Variants in SCARA5 observed in about 807,000 individuals in gnomAD.
The protein encoded by SCARA5 is scavenger receptor class A member 5.
In SCARA5, 45 loss-of-function variants were observed where a neutral mutation model predicts 46.3. That is an observed-to-expected ratio of 0.97 (90% confidence interval 0.76 to 1.24). The LOEUF (loss-of-function observed/expected upper bound fraction) is 1.24, where lower values mean the gene tolerates loss of function less well. SCARA5 is among the 50% of genes most tolerant of loss of function. The pLI, the probability that SCARA5 is intolerant of heterozygous loss-of-function variation, is 0.00. For missense variants in SCARA5, 680 were observed against 689.0 expected, an observed-to-expected ratio of 0.99 and a Z score of 0.15; for synonymous variants, 333 against 306.5, an observed-to-expected ratio of 1.09 and a Z score of -0.90.
intron 7 of SCARA5, among the ~76,000 whole-genome samples, chr8:27,892,763 G>A (rs1430542115): frequency 2.0e-5 from 3 of 151,990 alleles, no homozygotes; most frequent in South Asian, 2.1e-4. Context: ...CCGCCACCAC[G>A]ACCGGCTAAT....
intron 3 of SCARA5, among the ~76,000 whole-genome samples, chr8:27,959,284 A>G (rs1467789754): frequency 6.6e-6 from 1 of 152,132 alleles, no homozygotes; most frequent in East Asian, 1.9e-4. Context: ...ACTAATATCA[A>G]CATCCATGGT....
chr8:27,872,294 C>T (rs1014495964), intron 8 of SCARA5, among the ~76,000 whole-genome samples: 47 of 152,126 alleles, frequency 3.1e-4, no homozygotes, highest in Admixed American at 2.7e-3. Context: ...GTAGTAGCTA[C>T]AAATATCAGC....
chr8:27,972,146 G>A (rs1444855865), intron 2 of SCARA5, among the ~76,000 whole-genome samples: 3 of 151,836 alleles, frequency 2.0e-5, no homozygotes, highest in East Asian at 1.9e-4. Flanking sequence ...GTGAAACCCC[G>A]TCTCTGCTAA....
chr8:27,883,176 A>G (rs10103507), intron 7 of SCARA5, among the ~76,000 whole-genome samples: 77,968 of 152,088 alleles, frequency 0.51, 20,201 homozygotes, highest in East Asian at 0.63. Context: ...TGCAGAATGT[A>G]GTAGAGAGCC....
chr8:27,983,261 CG>C (rs568502864), intron 2 of SCARA5, among the ~76,000 whole-genome samples: 74 of 152,268 alleles, frequency 4.9e-4, no homozygotes, highest in Non-Finnish European at 9.4e-4. Context: ...GGCAGGAGGG[CG>C]TGTGTGGGTG....
Position 27,907,187 on chromosome 8 carries a change from G to A in SCARA5, c.1057C>T (p.Leu353=). 1.9e-6 allele frequency: 3 copies of A among 1,613,750 alleles called. No individual in the cohort carries two copies. Among genetic ancestry groups the A allele is most frequent in the Non-Finnish European group, 2.5e-6 (3 of 1,179,848 alleles). ...ATGCCCATTGGTCCTGTGGCCCCCA[G>A]CTTCCCATCATCGCCCTTGGGCCCG... The part of the protein sequence containing the change: ...LPGPKGDDGK[L]GATGPMGMRG... The change falls in exon 6 of 9, where the codon CTG becomes TTG. Residue 353 remains leucine (L), a synonymous_variant. Coordinates refer to ENST00000354914, the MANE Select transcript of SCARA5 (RefSeq NM_173833.6).
At position 27,979,527 on chromosome 8, in the gene SCARA5, A is replaced by G. The variant is rs555998966; in HGVS notation, c.112+7977T>C. On this transcript the variant is annotated intron_variant, in intron 2 of 8. Transcript: ENST00000354914. ...CTCAGCAGAGATGGGGTGTGAGCCC[A>G]GCCTGTTCAACTGCAGAGCCTGCCT... Among the ~76,000 whole-genome samples, 51 of 151,074 alleles carry G rather than the reference A, an allele frequency of 3.4e-4. 1 individual carries two copies. The highest frequency in any genetic ancestry group is 6.3e-4 in the Non-Finnish European group (43 of 67,872).
At chr8:27,885,212 GAC>G (rs1806875773) in intron 7 of SCARA5, among the ~76,000 whole-genome samples, 1 of 152,126 alleles carries the variant, frequency 6.6e-6, no homozygotes, top group African/African-American at 2.4e-5. Context: ...TGCCATTTTG[GAC>G]GAGTAGAGAA....
intron 2 of SCARA5, among the ~76,000 whole-genome samples, chr8:27,973,644 T>C (rs965811001): frequency 6.6e-6 from 1 of 152,294 alleles, no homozygotes; most frequent in East Asian, 1.9e-4. Context: ...AGCTTCTTAG[T>C]CATACCAAGG....
At chr8:27,971,382 T>TAAGA (rs1808445599) in intron 2 of SCARA5, among the ~76,000 whole-genome samples, 1 of 152,198 alleles carries the variant, frequency 6.6e-6, no homozygotes, top group African/African-American at 2.4e-5. Context: ...CTCTTTGTCT[T>TAAGA]CACTTCAGAG....
At chr8:27,970,206 T>C (rs947735335) in intron 2 of SCARA5, among the ~76,000 whole-genome samples, 3 of 151,740 alleles carry the variant, frequency 2.0e-5, no homozygotes, top group African/African-American at 7.3e-5. Context: ...GACAGCCATG[T>C]AGGTGAGTGA....
chr8:27,900,931 G>T (rs536588086), intron 7 of SCARA5, among the ~76,000 whole-genome samples: 35 of 151,576 alleles, frequency 2.3e-4, no homozygotes, highest in African/African-American at 8.2e-4. Flanking sequence ...CAATTTGGCC[G>T]TGACCTAGGC....
chr8:27,960,096 A>G (rs1387709278), intron 3 of SCARA5, among the ~76,000 whole-genome samples: 1 of 152,204 alleles, frequency 6.6e-6, no homozygotes, highest in African/African-American at 2.4e-5. Context: ...AGGCTAAACA[A>G]GTAGGTCTGT....
intron 7 of SCARA5, among the ~76,000 whole-genome samples, chr8:27,899,953 C>G (rs1364949845): frequency 6.6e-6 from 1 of 152,116 alleles, no homozygotes; most frequent in Non-Finnish European, 1.5e-5. Context: ...GCTTGGCCAA[C>G]ATGGTAAAAA....
intron 2 of SCARA5, among the ~76,000 whole-genome samples, chr8:27,976,930 G>T (rs2129964165): frequency 6.6e-6 from 1 of 152,324 alleles, no homozygotes; most frequent in Non-Finnish European, 1.5e-5. Flanking sequence ...GATCGCTTGA[G>T]CCCTCAGTCC....
At chr8:27,906,176 A>G (rs1807258309) in intron 6 of SCARA5, among the ~76,000 whole-genome samples, 1 of 152,234 alleles carries the variant, frequency 6.6e-6, no homozygotes, top group African/African-American at 2.4e-5. Flanking sequence ...CACCCTAGAC[A>G]TGGAGTGGGA....
chr8:27,889,875 T>C (rs927858953), intron 7 of SCARA5, among the ~76,000 whole-genome samples: 1 of 152,220 alleles, frequency 6.6e-6, no homozygotes, highest in African/African-American at 2.4e-5. Context: ...TAATATTTGT[T>C]GAAGTCCGGG....
intron 8 of SCARA5, among the ~76,000 whole-genome samples, chr8:27,875,181 CCCTCCCTCCCTCCCTTCACT>C (rs1305988489): frequency 1.7e-4 from 25 of 146,934 alleles, no homozygotes; most frequent in African/African-American, 6.3e-4. Flanking sequence ...GTTCCTCCCT[CCCTCCCTCCCTCCCTTCACT>C]CCTCCCTCCC....
Position 27,918,183 on chromosome 8 carries a change from C to T in SCARA5, c.916+3388G>A, listed in dbSNP as rs541412839. Among the ~76,000 whole-genome samples the T allele has an allele frequency of 9.2e-5, 14 of 152,228 alleles. No individual in the cohort carries two copies. In the East Asian group the frequency reaches 2.7e-3, roughly 29 times the overall value. On this transcript the variant is annotated intron_variant, in intron 4 of 8. Transcript: ENST00000354914. ...GGTATTTCATGGCATGTAAATTACACCTTATTAAACCTGGATCATTACCAG... is the reference window on the plus strand; with the variant it reads ...GGTATTTCATGGCATGTAAATTACATCTTATTAAACCTGGATCATTACCAG...
Sources: allele counts gnomAD v4.1 joint callset (sites outside exome capture counted in the v4.1 genomes callset), GRCh38; gene constraint gnomAD v4.1.1; transcripts MANE v1.5; gene names NCBI Gene and HGNC (gene_info 2026-07-23, HGNC 2026-07-21).